KHDRBS3: variants seen among roughly 807,000 people sequenced by gnomAD.
The protein encoded by KHDRBS3 is KH RNA binding domain containing, signal transduction associated 3.
In KHDRBS3, 23 loss-of-function variants were observed where a neutral mutation model predicts 45.6. That is an observed-to-expected ratio of 0.50 (90% confidence interval 0.36 to 0.72). The LOEUF is 0.72. Among genes scored for constraint, KHDRBS3 ranks in the 30% least tolerant of loss-of-function variants. The probability of loss-of-function intolerance (pLI) is 0.00; values close to 1 mark genes in which losing one functional copy is unlikely to be tolerated. For missense variants in KHDRBS3, 352 were observed against 424.8 expected (o/e 0.83, Z 1.51); for synonymous variants, 162 against 156.5 (o/e 1.04, Z -0.26).
chr8:135,596,105 T>G (rs1344473442), intron 6 of KHDRBS3, among the ~76,000 whole-genome samples: 1 of 152,038 alleles, frequency 6.6e-6, no homozygotes, highest in African/African-American at 2.4e-5. Flanking sequence ...GAATGAAAAA[T>G]GACTCATGTG....
At chr8:135,607,357 A>G (rs1829511698) in intron 7 of KHDRBS3, among the ~76,000 whole-genome samples, 1 of 152,228 alleles carries the variant, frequency 6.6e-6, no homozygotes, top group Non-Finnish European at 1.5e-5. Context: ...CCAAAATTAC[A>G]TTGGAAATGT....
At chr8:135,489,756 G>T (rs910066859) in intron 1 of KHDRBS3, among the ~76,000 whole-genome samples, 1 of 152,104 alleles carries the variant, frequency 6.6e-6, no homozygotes, top group African/African-American at 2.4e-5. Context: ...AAAAGTTATA[G>T]TAAGGTAATA....
intron 2 of KHDRBS3, among the ~76,000 whole-genome samples, chr8:135,531,194 A>G (rs999846658): frequency 1.3e-5 from 2 of 152,100 alleles, no homozygotes; most frequent in East Asian, 3.9e-4. Flanking sequence ...TGCTCATATT[A>G]TATTCTGGAA....
intron 1 of KHDRBS3, among the ~76,000 whole-genome samples, chr8:135,475,256 G>A (rs972470053): frequency 5.3e-5 from 8 of 152,266 alleles, no homozygotes; most frequent in African/African-American, 1.9e-4. Context: ...TACCACAGAG[G>A]TATGACTGTG....
chr8:135,487,886 A>G (rs1405138428), intron 1 of KHDRBS3, among the ~76,000 whole-genome samples: 2 of 152,230 alleles, frequency 1.3e-5, no homozygotes, highest in Non-Finnish European at 2.9e-5. Context: ...TAATCTTTGT[A>G]ACTCTGTTGG....
At chr8:135,549,171 T>A (rs1586703216) in intron 4 of KHDRBS3, 1 of 250,840 alleles carries the variant, frequency 4.0e-6, no homozygotes, top group African/African-American at 2.2e-5. Flanking sequence ...TAGTTCAGGT[T>A]TTGAAACGCT....
Position 135,596,118 on chromosome 8 carries a change from T to G in KHDRBS3, c.808-10837T>G, listed in dbSNP as rs572692856. ...GAGAATGAAAAATGACTCATGTGAC[T>G]ATTTCCTCAACTGTCCTAAGAATGG... On this transcript the variant is annotated intron_variant, in intron 6 of 8. Transcript: ENST00000355849. Among the ~76,000 whole-genome samples, 9 of 152,324 alleles carry G rather than the reference T, an allele frequency of 5.9e-5. No individual in the cohort carries two copies. The South Asian group carries it at 6.2e-4, about 11-fold the overall frequency.
intron 1 of KHDRBS3, among the ~76,000 whole-genome samples, chr8:135,474,777 TGCC>T (rs1822186671): frequency 6.6e-6 from 1 of 152,254 alleles, no homozygotes; most frequent in African/African-American, 2.4e-5. Flanking sequence ...TTTCTATGGC[TGCC>T]ATAACAAATT....
chr8:135,617,783 G>T (rs1479427179), intron 7 of KHDRBS3, among the ~76,000 whole-genome samples: 2 of 152,164 alleles, frequency 1.3e-5, no homozygotes, highest in African/African-American at 4.8e-5. Context: ...TCTTTTCTGA[G>T]AACGTCTCCA....
intron 4 of KHDRBS3, among the ~76,000 whole-genome samples, chr8:135,550,988 C>T (rs1028680701): frequency 6.6e-6 from 1 of 152,130 alleles, no homozygotes; most frequent in Non-Finnish European, 1.5e-5. Flanking sequence ...CTTTTTGATA[C>T]TACTGTGAGT....
In KHDRBS3 at chr8:135,521,234, C is replaced by T. The variant is rs759187685; in HGVS notation, c.89-3C>T. 33 of 1,587,806 alleles carry T rather than the reference C, an allele frequency of 2.1e-5. No homozygotes were observed. The highest frequency in any genetic ancestry group is 2.7e-5 in the Non-Finnish European group (31 of 1,156,590). ...CTTCATGGTTATCTTTTTGCCTCCA[C>T]AGAAATAGAAAAGTTTCAAAAAGGA... On this transcript the variant is annotated splice_polypyrimidine_tract_variant and splice_region_variant and intron_variant, in intron 1 of 8. Transcript: ENST00000355849.
At chr8:135,517,935 A>G (rs1250980189) in intron 1 of KHDRBS3, among the ~76,000 whole-genome samples, 1 of 152,178 alleles carries the variant, frequency 6.6e-6, no homozygotes, top group Non-Finnish European at 1.5e-5. Flanking sequence ...GAAATTAGAT[A>G]TTTTATATAG....
intron 5 of KHDRBS3, among the ~76,000 whole-genome samples, chr8:135,571,752 C>G (rs559559898): frequency 6.6e-6 from 1 of 152,236 alleles, no homozygotes; most frequent in East Asian, 1.9e-4. Flanking sequence ...GTTGGGGGAA[C>G]TCTGGCACTG....
intron 4 of KHDRBS3, among the ~76,000 whole-genome samples, chr8:135,655,556 A>G (rs1159169006): frequency 6.6e-6 from 1 of 152,226 alleles, no homozygotes; most frequent in African/African-American, 2.4e-5. Flanking sequence ...AAAGAGATGC[A>G]TCTGGAGACA....
At chr8:135,645,184 T>A (rs1831233672) in intron 8 of KHDRBS3, 67 bp downstream of exon 8, 1 of 1,514,916 alleles carries the variant, frequency 6.6e-7, no homozygotes, top group African/African-American at 1.4e-5. Context: ...CTTAAAGATA[T>A]TAATGGGAAG....
At chr8:135,529,416 G>A (rs1275874595) in intron 2 of KHDRBS3, among the ~76,000 whole-genome samples, 1 of 152,124 alleles carries the variant, frequency 6.6e-6, no homozygotes, top group Non-Finnish European at 1.5e-5. Context: ...AAATCTTAAC[G>A]TTTGCTCTCC....
chr8:135,649,648 G>A (rs925330305), downstream of KHDRBS3, among the ~76,000 whole-genome samples: 23 of 152,090 alleles, frequency 1.5e-4, no homozygotes, highest in African/African-American at 5.3e-4. Flanking sequence ...GGAATGTGAC[G>A]TCCACCACAT....
At chr8:135,494,910 C>G (rs746162574) in intron 1 of KHDRBS3, among the ~76,000 whole-genome samples, 2 of 152,172 alleles carry the variant, frequency 1.3e-5, no homozygotes, top group Admixed American at 1.3e-4. Flanking sequence ...TGACCTTGCC[C>G]TGGGGGTAGA....
chr8:135,507,821 T>A (rs1824084512), intron 1 of KHDRBS3, among the ~76,000 whole-genome samples: 1 of 152,252 alleles, frequency 6.6e-6, no homozygotes, highest in Admixed American at 6.5e-5. Context: ...CCACAGAGGC[T>A]GTGACTATTA....
Sources: allele counts gnomAD v4.1 joint callset (sites outside exome capture counted in the v4.1 genomes callset), GRCh38; gene constraint gnomAD v4.1.1; transcripts MANE v1.5; gene names NCBI Gene and HGNC (gene_info 2026-07-23, HGNC 2026-07-21).